The following MICU1 variants were observed in gnomAD, a reference collection of about 807,000 sequenced individuals.
MICU1 encodes the protein mitochondrial calcium uptake 1, also known as calcium uptake protein 1, mitochondrial.
MICU1 carries 45 observed loss-of-function variants against 56.8 expected under a neutral mutation model. The ratio of observed to expected loss-of-function variants is 0.79; its 90% confidence interval spans 0.62 to 1.02. MICU1 has a LOEUF of 1.02. Among genes scored for constraint, MICU1 ranks in the 50% least tolerant of loss-of-function variants. The pLI is 0.00. For missense variants in MICU1, 504 were observed against 587.1 expected (o/e 0.86, Z 1.46); for synonymous variants, 186 against 195.1 (o/e 0.95, Z 0.39).
At chr10:72,580,188 G>C (rs978600289) in intron 1 of MICU1, among the ~76,000 whole-genome samples, 3 of 151,934 alleles carry the variant, frequency 2.0e-5, no homozygotes, top group Admixed American at 6.6e-5. Context: ...CAGCCCTGAG[G>C]CATCATCTTT....
rs566970579 is a variant in MICU1 at position 72,528,140 on chromosome 10, C to G, written c.537+5606G>C. 3.3e-5 allele frequency among the ~76,000 whole-genome samples: 5 copies of G among 152,140 alleles called. No individual in the cohort carries two copies. The South Asian group carries it at 8.3e-4, about 25-fold the overall frequency. The stretch of plus-strand genomic sequence containing the variant: ...TGGGCCTAGCCCAGAAATTTCACTT[C>G]AAACCAAAAAAATAAACCACTGACA... On this transcript the variant is annotated intron_variant, in intron 5 of 11. Transcript: ENST00000361114.
At chr10:72,416,990 G>C (rs936364227) in intron 9 of MICU1, among the ~76,000 whole-genome samples, 1 of 152,188 alleles carries the variant, frequency 6.6e-6, no homozygotes, top group Admixed American at 6.5e-5. Context: ...GGAATGCTAA[G>C]TTCTATGAGG....
intron 8 of MICU1, among the ~76,000 whole-genome samples, chr10:72,432,125 A>T: frequency 7.3e-6 from 1 of 136,484 alleles, no homozygotes. Flanking sequence ...GCAGGGTCTC[A>T]CTCTGTCACC....
At chr10:72,412,354 G>A (rs948623696) in intron 9 of MICU1, among the ~76,000 whole-genome samples, 2 of 152,190 alleles carry the variant, frequency 1.3e-5, no homozygotes, top group Admixed American at 1.3e-4. Flanking sequence ...TCTTAGAGGA[G>A]TTACTGTGAC....
chr10:72,487,130 A>C (rs779716577), intron 6 of MICU1, among the ~76,000 whole-genome samples: 39 of 152,202 alleles, frequency 2.6e-4, no homozygotes, highest in Non-Finnish European at 5.0e-4. Flanking sequence ...GGAAGGGATG[A>C]GACGATGTTG....
intron 1 of MICU1, among the ~76,000 whole-genome samples, chr10:72,623,009 C>A (rs1341336285): frequency 1.3e-5 from 2 of 152,058 alleles, no homozygotes; most frequent in Non-Finnish European, 2.9e-5. Context: ...TGGCTCACAC[C>A]TCTAATCCCA....
chr10:72,457,186 G>C (rs1865497752), intron 8 of MICU1, among the ~76,000 whole-genome samples: 1 of 151,412 alleles, frequency 6.6e-6, no homozygotes, highest in South Asian at 2.1e-4. Context: ...ATTTTAGAAG[G>C]AGTGGGTTAG....
chr10:72,421,776 G>C lies in MICU1; in HGVS notation c.1071+1458C>G, dbSNP rs141648527. Among the ~76,000 whole-genome samples, 55 of 152,234 alleles carry C rather than the reference G, an allele frequency of 3.6e-4. No individual in the cohort carries two copies. In the East Asian group the frequency reaches 0.01, roughly 28 times the overall value. Reference sequence around the variant, plus strand: ...TCTCCAAACTATCTTCCATAAAACAGCCAGAGTTGTCTCTTTAAACGTACA... The same window carrying C: ...TCTCCAAACTATCTTCCATAAAACACCCAGAGTTGTCTCTTTAAACGTACA... On this transcript the variant is annotated intron_variant, in intron 9 of 11. Coordinates refer to ENST00000361114, the MANE Select transcript of MICU1 (RefSeq NM_001195518.2).
intron 10 of MICU1, among the ~76,000 whole-genome samples, chr10:72,403,106 G>A (rs941772122): frequency 3.9e-5 from 6 of 152,266 alleles, no homozygotes; most frequent in African/African-American, 1.2e-4. Context: ...GGCCGGGCGC[G>A]GTGGCTGACG....
intron 4 of MICU1, among the ~76,000 whole-genome samples, chr10:72,549,110 C>A (rs552207872): frequency 6.6e-6 from 1 of 151,588 alleles, no homozygotes; most frequent in Non-Finnish European, 1.5e-5. Context: ...CAAAATATTA[C>A]GAACTTTCTG....
chr10:72,557,909 T>C (rs1840198206), intron 3 of MICU1, among the ~76,000 whole-genome samples: 1 of 152,230 alleles, frequency 6.6e-6, no homozygotes, highest in Non-Finnish European at 1.5e-5. Context: ...GTTTGGCATA[T>C]ATAGCACATT....
chr10:72,534,033 A>G (rs1374524825), intron 4 of MICU1, among the ~76,000 whole-genome samples: 1 of 152,136 alleles, frequency 6.6e-6, no homozygotes, highest in Non-Finnish European at 1.5e-5. Flanking sequence ...GTGCAAACCT[A>G]TTCAACAGTA....
intron 8 of MICU1, among the ~76,000 whole-genome samples, chr10:72,431,271 C>G (rs1337090406): frequency 6.6e-6 from 1 of 152,110 alleles, no homozygotes; most frequent in Non-Finnish European, 1.5e-5. Context: ...GCAGGGATTG[C>G]AGGCGAGCAC....
chr10:72,479,236 C>T (rs966515867), intron 6 of MICU1, among the ~76,000 whole-genome samples: 23 of 152,208 alleles, frequency 1.5e-4, no homozygotes, highest in African/African-American at 4.8e-4. Flanking sequence ...TCAACACTGA[C>T]TCCAAAGCCT....
chr10:72,566,850 G>C (rs1002484439), intron 1 of MICU1, 56 bp from the exon 2 acceptor site: 39 of 1,438,754 alleles, frequency 2.7e-5, no homozygotes, highest in Admixed American at 2.2e-5. Context: ...TGATGATGAT[G>C]ATGATGATCC....
At chr10:72,520,333 A>T (rs1355478205) in intron 5 of MICU1, among the ~76,000 whole-genome samples, 1 of 152,166 alleles carries the variant, frequency 6.6e-6, no homozygotes, top group Non-Finnish European at 1.5e-5. Flanking sequence ...CAAATTAAAA[A>T]TGTTGCACAG....
At chr10:72,511,503 G>C (rs554806703) in intron 5 of MICU1, among the ~76,000 whole-genome samples, 5 of 152,156 alleles carry the variant, frequency 3.3e-5, no homozygotes, top group Non-Finnish European at 7.4e-5. Context: ...GGCTCAAAGG[G>C]GAAATGTATA....
chr10:72,531,152 C>T (rs552360940), intron 5 of MICU1, among the ~76,000 whole-genome samples: 1 of 151,964 alleles, frequency 6.6e-6, no homozygotes, highest in Non-Finnish European at 1.5e-5. Context: ...GTAAATAATT[C>T]TTTCTCTAAG....
intron 5 of MICU1, among the ~76,000 whole-genome samples, chr10:72,520,053 T>G (rs1423273957): frequency 6.6e-6 from 1 of 152,174 alleles, no homozygotes; most frequent in Admixed American, 6.6e-5. Flanking sequence ...CTAAATCCCT[T>G]GAGTAATATT....
Sources: allele counts gnomAD v4.1 joint callset (sites outside exome capture counted in the v4.1 genomes callset), GRCh38; gene constraint gnomAD v4.1.1; transcripts MANE v1.5; gene names NCBI Gene and HGNC (gene_info 2026-07-23, HGNC 2026-07-21).